BOC: variants seen among roughly 807,000 people sequenced by gnomAD.
BOC encodes brother of CDO.
In BOC, 76 loss-of-function variants were observed where a neutral mutation model predicts 112.0. That is an observed-to-expected ratio of 0.68 (90% CI 0.56 to 0.82). BOC has a LOEUF of 0.82. BOC is among the 40% of genes least tolerant of loss of function. The probability of loss-of-function intolerance (pLI) is 0.00; values close to 1 mark genes in which losing one functional copy is unlikely to be tolerated. For synonymous variants in BOC, 580 were observed against 599.8 expected, an observed-to-expected ratio of 0.97 and a Z score of 0.48; for missense variants, 1,309 against 1,511.7, an observed-to-expected ratio of 0.87 and a Z score of 2.22.
chr3:113,285,872 G>A (rs1057483586), intron 19 of BOC, among the ~76,000 whole-genome samples: 1 of 152,168 alleles, frequency 6.6e-6, no homozygotes, highest in African/African-American at 2.4e-5. Context: ...TGCATTTCAA[G>A]GCCATTCACA....
intron 2 of BOC, among the ~76,000 whole-genome samples, chr3:113,236,228 ATGTGTGTGTGTGTG>A (rs765387902): frequency 7.7e-5 from 6 of 78,068 alleles, no homozygotes; most frequent in Admixed American, 3.4e-4. Context: ...ATATACGTAT[ATGTGTGTGTGTGTG>A]TGTGTGTGTG....
chr3:113,278,432 C>G lies in BOC; in HGVS notation c.1705+175C>G, dbSNP rs1948864306. Among the ~76,000 whole-genome samples the G allele has an allele frequency of 6.6e-6, 1 of 152,124 alleles. No individual in the cohort carries two copies. Among genetic ancestry groups the G allele is most frequent in the African/African-American group, 2.4e-5 (1 of 41,434 alleles). ...GCTAGGCTGAGGTCCCAGCTCTCAT[C>G]AGGAGAGTAGCCAGCCGGCCTCTCT... On this transcript the variant is annotated intron_variant, in intron 10 of 19. Transcript: ENST00000682979. This position sits in a 1 kb window ranked among gnomAD's most constrained non-coding sequence, Gnocchi z 4.2.
In BOC at chr3:113,287,207, C is replaced by T. The variant is rs111251800; in HGVS notation, c.*345C>T. On this transcript the variant is annotated 3_prime_UTR_variant, in exon 20 of 20. Transcript: ENST00000682979. The stretch of plus-strand genomic sequence containing the variant: ...AGCTGGCAAGAGGAAGGATCCCAGG[C>T]ACATGGTTCATCACGAGCATGAGGG... 3,299 of 387,010 alleles carry T rather than the reference C, an allele frequency of 8.5e-3. 26 individuals carry two copies. Among genetic ancestry groups the T allele is most frequent in the Non-Finnish European group, 0.013 (2,658 of 201,122 alleles). 24.0% of individuals were successfully genotyped at this position (387,010 alleles called of 1,614,324 possible).
rs537307819 is a variant in BOC at position 113,234,607 on chromosome 3, T to C, written c.-81-15115T>C. Among the ~76,000 whole-genome samples, 6 of 152,332 alleles carry C rather than the reference T, an allele frequency of 3.9e-5. No individual in the cohort carries two copies. In the South Asian group the frequency reaches 6.2e-4, roughly 16 times the overall value. On this transcript the variant is annotated intron_variant, in intron 2 of 19. Coordinates refer to ENST00000682979, the MANE Select transcript of BOC (RefSeq NM_001378074.1). ...TGAAGACTGGAGGCTGTGCCTTGTT[T>C]TCCTCTACATCCCCTAAGCCTTTTG...
At chr3:113,217,707 C>T (rs903417890) in intron 2 of BOC, among the ~76,000 whole-genome samples, 22 of 152,296 alleles carry the variant, frequency 1.4e-4, no homozygotes, top group African/African-American at 4.8e-4. Flanking sequence ...TCATTTTCCT[C>T]AGTGAATGGT....
rs767990681 is a variant in BOC, at chr3:113,283,438, G to C, written c.2462G>C (p.Arg821Pro). 4 of 1,607,844 alleles carry C rather than the reference G, an allele frequency of 2.5e-6. No individual in the cohort carries two copies. In the Admixed American group the frequency reaches 5.0e-5, roughly 20 times the overall value. Reference sequence around the variant, plus strand: ...CGGAAGTCTTCTGGCCAGCCTGGTCGACTGCCACCCCCAACTCTGGCCCCA... The same window carrying C: ...CGGAAGTCTTCTGGCCAGCCTGGTCCACTGCCACCCCCAACTCTGGCCCCA... ...KARKSSGQPGRLPPPTLAPPQ... is the reference protein window; with the variant it reads ...KARKSSGQPGPLPPPTLAPPQ... Residue 821 changes from arginine to proline, a missense_variant, in exon 16 of 20, where the codon CGA (arginine) becomes CCA (proline). By Grantham distance (103) the Arg-to-Pro change is moderately radical. Transcript: ENST00000682979.
chr3:113,252,561 T>A (rs562344898), intron 4 of BOC, among the ~76,000 whole-genome samples: 243 of 152,282 alleles, frequency 1.6e-3, no homozygotes, highest in African/African-American at 5.4e-3. Context: ...GGAAAGCCCC[T>A]ACGTGCCCTC....
Position 113,216,004 on chromosome 3 carries a change from C to T in BOC, c.-169-183C>T, listed in dbSNP as rs138174520. On this transcript the variant is annotated intron_variant, in intron 1 of 19. Coordinates refer to ENST00000682979, the MANE Select transcript of BOC (RefSeq NM_001378074.1). ...ATCCGTTGTTCATTTCAGCAGGGAG[C>T]CAGGAAACTGGACATTTCGGGAGGC... Among the ~76,000 whole-genome samples, 580 of 152,226 alleles carry T rather than the reference C, an allele frequency of 3.8e-3. 3 individuals are homozygous for T. The highest frequency in any genetic ancestry group is 7.1e-3 in the Admixed American group (108 of 15,284).
rs1044405996 is a variant in BOC at position 113,274,101 on chromosome 3, G to A, written c.1235-274G>A. Among the ~76,000 whole-genome samples the A allele has an allele frequency of 1.3e-5, 2 of 152,216 alleles. No individual in the cohort carries two copies. Among genetic ancestry groups the A allele is most frequent in the Non-Finnish European group, 2.9e-5 (2 of 68,040 alleles). On this transcript the variant is annotated intron_variant, in intron 8 of 19. Transcript: ENST00000682979. This position sits in a 1 kb window ranked among gnomAD's most constrained non-coding sequence, Gnocchi z 4.8. The stretch of plus-strand genomic sequence containing the variant: ...AAAATTGAGTTAGTTCACTGGAGAT[G>A]CACCTCACGTGGATTCAGGAGTTTG...
At chr3:113,234,176 C>T (rs2107736900) in intron 2 of BOC, among the ~76,000 whole-genome samples, 1 of 152,322 alleles carries the variant, frequency 6.6e-6, no homozygotes, top group South Asian at 2.1e-4. Context: ...GCGATGCTGA[C>T]ACATAGACTT....
intron 6 of BOC, chr3:113,271,816 T>C (rs1948154399): frequency 6.1e-6 from 1 of 163,542 alleles, no homozygotes; most frequent in Non-Finnish European, 1.4e-5. Flanking sequence ...TTGTCCACAG[T>C]GTTGAAAAAA....
chr3:113,227,434 G>A (rs1196550339), intron 2 of BOC, among the ~76,000 whole-genome samples: 1 of 152,200 alleles, frequency 6.6e-6, no homozygotes, highest in Non-Finnish European at 1.5e-5. Flanking sequence ...GATGGAAGTG[G>A]GGAAGAGCCA....
intron 8 of BOC, among the ~76,000 whole-genome samples, chr3:113,273,705 G>T (rs775224): frequency 1.3e-5 from 2 of 152,054 alleles, no homozygotes; most frequent in African/African-American, 4.8e-5. Context: ...CAGAGCAACA[G>T]GGCAAAGACC....
At chr3:113,279,788 C>A (rs761024418) in intron 12 of BOC, 36 bp from the exon 13 acceptor site, 1 of 1,561,162 alleles carries the variant, frequency 6.4e-7, no homozygotes, top group Non-Finnish European at 8.7e-7. Context: ...AAGGTATTTC[C>A]CAGCTCCTGA....
intron 2 of BOC, among the ~76,000 whole-genome samples, chr3:113,218,304 T>C (rs1348315389): frequency 6.6e-6 from 1 of 152,250 alleles, no homozygotes; most frequent in Admixed American, 6.5e-5. Flanking sequence ...CCTTTACTAG[T>C]CTGAGCTCAC....
rs1367877751 is a variant in BOC at position 113,273,051 on chromosome 3, G to A, written c.962-18G>A. The A allele has an allele frequency of 1.3e-6, 2 of 1,586,536 alleles. No homozygotes were observed. The highest frequency in any genetic ancestry group is 2.2e-5 in the South Asian group (2 of 89,324). ...AGAAAGACACAGCCCTTCTCACCCT[G>A]CTCTGGTTTCCTGGCAGAACCCCCT... On this transcript the variant is annotated intron_variant, in intron 7 of 19. Transcript: ENST00000682979.
intron 5 of BOC, chr3:113,269,943 G>A (rs1489978916): frequency 6.6e-6 from 1 of 152,316 alleles, no homozygotes; most frequent in Non-Finnish European, 1.5e-5. Context: ...AGCTTTACCT[G>A]CCAGGAAGCC....
chr3:113,229,143 A>G (rs1470065519), intron 2 of BOC, among the ~76,000 whole-genome samples: 3 of 152,166 alleles, frequency 2.0e-5, no homozygotes, highest in Non-Finnish European at 4.4e-5. Context: ...CCCAGTAGGG[A>G]CCAAACTGAA....
At chr3:113,277,642 T>G (rs764660964) in intron 9 of BOC, among the ~76,000 whole-genome samples, 2 of 152,248 alleles carry the variant, frequency 1.3e-5, no homozygotes, top group Non-Finnish European at 2.9e-5. Context: ...GAGCAAGTGC[T>G]TAGCGAATGT....
Sources: allele counts gnomAD v4.1 joint callset (sites outside exome capture counted in the v4.1 genomes callset), GRCh38; gene constraint gnomAD v4.1.1; non-coding constraint Gnocchi (gnomAD v3.1); transcripts MANE v1.5; gene names NCBI Gene and HGNC (gene_info 2026-07-23, HGNC 2026-07-21).